TIMM17B: variants seen among roughly 807,000 people sequenced by gnomAD.
TIMM17B encodes the protein translocase of inner mitochondrial membrane 17B.
In TIMM17B, 10 loss-of-function variants were observed where a neutral mutation model predicts 15.9. That is an observed-to-expected ratio of 0.63 (90% CI 0.39 to 1.06). The LOEUF is 1.06. Among genes scored for constraint, TIMM17B ranks in the 50% least tolerant of loss-of-function variants. The probability of loss-of-function intolerance (pLI) is 0.01; values close to 1 mark genes in which losing one functional copy is unlikely to be tolerated. For synonymous variants in TIMM17B, 57 were observed against 57.2 expected (o/e 1.00, Z 0.02); for missense variants, 114 against 152.2 (o/e 0.75, Z 1.32).
chrX:48,894,054 A>C, intron 5 of TIMM17B, 43 bp downstream of exon 4: 1 of 1,197,598 alleles, frequency 8.4e-7, no homozygotes, highest in East Asian at 3.0e-5. Context: ...GAGCAGGCAG[A>C]ACAGGGTGGA....
intron 3 of TIMM17B, chrX:48,895,486 C>T (rs1287883244): frequency 1.9e-6 from 1 of 513,851 alleles, no homozygotes; most frequent in Non-Finnish European, 3.5e-6. Flanking sequence ...AAGGGAGCTT[C>T]AGACAGCAAT....
intron 4 of TIMM17B, 81 bp from the exon 4 acceptor site, chrX:48,894,306 T>C: frequency 9.4e-7 from 1 of 1,061,902 alleles, no homozygotes; most frequent in African/African-American, 1.8e-5. Flanking sequence ...GCCTGAATGC[T>C]TTGGCCAAGA....
At chrX:48,897,255 C>T (rs1424389712) in intron 2 of TIMM17B, 1 of 234,008 alleles carries the variant, frequency 4.3e-6, no homozygotes. Flanking sequence ...GCCCGTCCAA[C>T]CATGCCCCGC....
intron 4 of TIMM17B, 47 bp from the exon 4 acceptor site, chrX:48,894,272 T>C: frequency 8.4e-7 from 1 of 1,183,640 alleles, no homozygotes; most frequent in Non-Finnish European, 1.1e-6. Flanking sequence ...ATCCTGAGAA[T>C]TCACATCTCA....
At chrX:48,894,043 A>G (rs1557039112) in intron 5 of TIMM17B, 33 bp from the exon 5 acceptor site, 1 of 1,198,122 alleles carries the variant, frequency 8.3e-7, no homozygotes, top group Non-Finnish European at 1.1e-6. Flanking sequence ...AACAGAGGTG[A>G]GAGCAGGCAG....
intron 1 of TIMM17B, chrX:48,897,996 G>T: frequency 1.0e-6 from 1 of 971,751 alleles, no homozygotes; most frequent in Non-Finnish European, 1.4e-6. Flanking sequence ...GTTTTGGGAA[G>T]AGAGTCGTGT....
Position 48,893,765 on chromosome X carries a change from C to T in TIMM17B, c.483G>A (p.Pro161=), listed in dbSNP as rs782773537. 26 of 1,165,158 alleles carry T rather than the reference C, an allele frequency of 2.2e-5. No homozygotes were observed. The South Asian group carries it at 3.4e-4, about 15-fold the overall frequency. Residue 161 remains proline, a synonymous_variant, in exon 7 of 7, where the codon CCG becomes CCA. Transcript: ENST00000376582. Reference sequence around the variant, plus strand: ...GCTGATAGCTGGGGTAGCCTGGGGCCGGGGTGCCATCCTTAGGGGGCAGCT... The same window carrying T: ...GCTGATAGCTGGGGTAGCCTGGGGCTGGGGTGCCATCCTTAGGGGGCAGCT...
chrX:48,897,336 C>A (rs7062737), intron 2 of TIMM17B: 42 of 237,606 alleles, frequency 1.8e-4, no homozygotes, highest in African/African-American at 1.2e-3. Context: ...CCCCGCCGGC[C>A]CTCAACAGGT....
intron 3 of TIMM17B, chrX:48,895,632 C>T (rs2063303527): frequency 2.2e-6 from 1 of 444,945 alleles, no homozygotes; most frequent in African/African-American, 2.4e-5. Context: ...AGGAGAGTTC[C>T]AGGAGTCTAG....
exon 2 of TIMM17B, chrX:48,897,754 C>A (rs1557039893): frequency 3.3e-6 from 4 of 1,209,613 alleles, no homozygotes; most frequent in Admixed American, 2.2e-5. Context: ...CTCCATGGCG[C>A]TGGCGTCTGG....
At chrX:48,897,377 G>C (rs1190959173) in intron 2 of TIMM17B, 1 of 270,240 alleles carries the variant, frequency 3.7e-6, no homozygotes, top group Non-Finnish European at 6.6e-6. Context: ...ACTGACAAAG[G>C]CGACCTGGGA....
intron 1 of TIMM17B, 112 bp from the exon 1 acceptor site, chrX:48,897,880 A>G: frequency 1.0e-6 from 1 of 972,367 alleles, no homozygotes. Flanking sequence ...ACGCACTCTC[A>G]TTGGCCAATC....
intron 3 of TIMM17B, chrX:48,896,500 T>C: frequency 2.2e-6 from 1 of 450,427 alleles, no homozygotes; most frequent in Non-Finnish European, 3.4e-6. Context: ...ACATTTAAAA[T>C]TTGGTGATGA....
rs1557039927 is a variant in TIMM17B, at chrX:48,897,780, A to T, written c.-31T>A. On this transcript the variant is annotated 5_prime_UTR_variant, in exon 2 of 7. Coordinates refer to ENST00000376582, the Ensembl canonical transcript of TIMM17B. ...TGGCGTCTGGCCGCGCAGTCAGGCC[A>T]CGCCCCCAGCGTAGACGCACACCGG... 1 of 1,206,936 alleles carries T rather than the reference A, an allele frequency of 8.3e-7. No individual in the cohort carries two copies. The highest frequency in any genetic ancestry group is 1.8e-5 in the South Asian group (1 of 56,306).
At chrX:48,894,217 C>T in exon 5 of TIMM17B, 2 of 1,209,029 alleles carry the variant, frequency 1.7e-6, no homozygotes, top group African/African-American at 1.7e-5. Flanking sequence ...CCCCACACTG[C>T]GAAGCTACCT....
intron 4 of TIMM17B, 27 bp from the exon 4 acceptor site, chrX:48,894,252 TTCCTGGGAAA>T (rs1557039168): frequency 8.3e-7 from 1 of 1,201,399 alleles, no homozygotes. Context: ...GCCTAATTAG[TTCCTGGGAAA>T]TCCTGAGAAT....
At chrX:48,896,608 G>A in intron 3 of TIMM17B, 151 bp downstream of exon 2, 1 of 1,077,203 alleles carries the variant, frequency 9.3e-7, no homozygotes, top group Non-Finnish European at 1.2e-6. Flanking sequence ...CAAAATCCCA[G>A]ATACAGGAGC....
At chrX:48,897,057 G>A in intron 2 of TIMM17B, 199 bp from the exon 2 acceptor site, 4 of 917,252 alleles carry the variant, frequency 4.4e-6, no homozygotes, top group South Asian at 5.3e-5. Context: ...ATGGGGCAAA[G>A]GGGGAGAAAT....
exon 7 of TIMM17B, chrX:48,893,498 G>A: frequency 2.8e-6 from 1 of 355,088 alleles, no homozygotes; most frequent in Non-Finnish European, 4.9e-6. Flanking sequence ...ACACAAAGGA[G>A]CTGGGGTGAG....
Sources: gnomAD v4.1 joint callset for allele counts on GRCh38, gnomAD v4.1.1 for gene constraint, MANE v1.5 for transcripts, NCBI Gene and HGNC (gene_info 2026-07-23, HGNC 2026-07-21) for gene names.